The following PDE1A variants were observed in gnomAD, a reference collection of about 807,000 sequenced individuals.
PDE1A encodes phosphodiesterase 1A, also known as dual specificity calcium/calmodulin-dependent 3',5'-cyclic nucleotide phosphodiesterase 1A.
A neutral mutation model predicts 61.7 loss-of-function variants in PDE1A; 35 were observed. The ratio of observed to expected loss-of-function variants is 0.57; its 90% CI spans 0.43 to 0.75. The LOEUF (loss-of-function observed/expected upper bound fraction) is 0.75, where lower values mean the gene tolerates loss of function less well. Among genes scored for constraint, PDE1A ranks in the 30% least tolerant of loss-of-function variants. PDE1A has a pLI of 0.00. For missense variants in PDE1A, 597 were observed against 630.6 expected (o/e 0.95, Z 0.57); for synonymous variants, 232 against 213.2 (o/e 1.09, Z -0.77).
chr2:182,200,679 A>T (rs900257372), intron 10 of PDE1A, among the ~76,000 whole-genome samples: 1 of 152,222 alleles, frequency 6.6e-6, no homozygotes, highest in African/African-American at 2.4e-5. Context: ...CTAGCAAGTT[A>T]TCAAACCTAG....
chr2:182,483,220 A>C (rs917881306), intron 2 of PDE1A, among the ~76,000 whole-genome samples: 3 of 151,962 alleles, frequency 2.0e-5, no homozygotes, highest in African/African-American at 7.2e-5. Flanking sequence ...ATAGGCAATT[A>C]AACAATTATA....
At chr2:182,435,178 TA>T (rs1429024185) in intron 2 of PDE1A, among the ~76,000 whole-genome samples, 1 of 152,042 alleles carries the variant, frequency 6.6e-6, no homozygotes, top group Non-Finnish European at 1.5e-5. Flanking sequence ...AGAAATAATT[TA>T]AAACAGATTC....
chr2:182,485,886 T>C (rs1687991630), intron 2 of PDE1A, among the ~76,000 whole-genome samples: 1 of 152,044 alleles, frequency 6.6e-6, no homozygotes, highest in African/African-American at 2.4e-5. Context: ...AACCCCCACT[T>C]AAGACAGAAC....
chr2:182,515,432 G>A (rs1690072329), intron 2 of PDE1A, among the ~76,000 whole-genome samples: 1 of 152,042 alleles, frequency 6.6e-6, no homozygotes, highest in African/African-American at 2.4e-5. Context: ...CTTTTCCATG[G>A]ACACTCAGCT....
chr2:182,382,134 C>T (rs374533170), intron 1 of PDE1A, among the ~76,000 whole-genome samples: 2 of 152,060 alleles, frequency 1.3e-5, no homozygotes, highest in Admixed American at 6.5e-5. Context: ...GAAACTGTGA[C>T]TATGATAAAA....
At chr2:182,194,360 C>T (rs529137944) in intron 10 of PDE1A, among the ~76,000 whole-genome samples, 12 of 152,212 alleles carry the variant, frequency 7.9e-5, no homozygotes, top group African/African-American at 2.9e-4. Context: ...TCTTCTTTTA[C>T]CAATGATTAC....
At chr2:182,325,199 A>T (rs1696960931) in intron 1 of PDE1A, among the ~76,000 whole-genome samples, 1 of 152,206 alleles carries the variant, frequency 6.6e-6, no homozygotes. Flanking sequence ...AGTAATGGAA[A>T]ATATAGACTT....
chr2:182,685,821 T>C, the PDE1A span, among the ~76,000 whole-genome samples: 5 of 152,226 alleles, frequency 3.3e-5, no homozygotes, highest in Non-Finnish European at 7.3e-5. Context: ...ATGTGTCCAA[T>C]ATTTTCTTTC....
At chr2:182,661,965 GA>G in the PDE1A span, among the ~76,000 whole-genome samples, 74 of 151,594 alleles carry the variant, frequency 4.9e-4, no homozygotes, top group African/African-American at 1.6e-3. Flanking sequence ...AAAATCCAAA[GA>G]AAATTTTACT....
At chr2:182,663,946 G>C in the PDE1A span, among the ~76,000 whole-genome samples, 1 of 152,014 alleles carries the variant, frequency 6.6e-6, no homozygotes, top group East Asian at 1.9e-4. Flanking sequence ...GAAAAGATCA[G>C]ACATAGACTA....
chr2:182,303,585 A>C (rs1695383598), intron 1 of PDE1A, among the ~76,000 whole-genome samples: 1 of 152,194 alleles, frequency 6.6e-6, no homozygotes, highest in Non-Finnish European at 1.5e-5. Context: ...AGGGTAAATG[A>C]GCATTGGCTC....
At chr2:182,504,981 G>A (rs1258121630) in intron 2 of PDE1A, among the ~76,000 whole-genome samples, 1 of 152,220 alleles carries the variant, frequency 6.6e-6, no homozygotes, top group African/African-American at 2.4e-5. Context: ...ACAACATGTT[G>A]TAGCCTGGAA....
intron 2 of PDE1A, among the ~76,000 whole-genome samples, chr2:182,438,369 T>C (rs532928661): frequency 6.6e-6 from 1 of 152,076 alleles, no homozygotes; most frequent in South Asian, 2.1e-4. Flanking sequence ...TGGTCTCCAA[T>C]GGGGCCACCT....
chr2:182,651,327 TA>T, the PDE1A span, among the ~76,000 whole-genome samples: 1 of 152,076 alleles, frequency 6.6e-6, no homozygotes, highest in Non-Finnish European at 1.5e-5. Flanking sequence ...AATGCCAAAT[TA>T]GGGGGGTAGA....
At chr2:182,687,869 C>A in the PDE1A span, among the ~76,000 whole-genome samples, 51 of 152,278 alleles carry the variant, frequency 3.3e-4, 2 homozygotes, top group Admixed American at 3.2e-3. Flanking sequence ...GGCACAAGAA[C>A]TATGCGATGA....
the PDE1A span, among the ~76,000 whole-genome samples, chr2:182,686,705 C>T: frequency 4.5e-3 from 687 of 152,246 alleles, 3 homozygotes; most frequent in African/African-American, 0.016. Context: ...TGCAGTGCAC[C>T]GAGCATGAGC....
chr2:182,511,971 C>T (rs577830410), intron 2 of PDE1A, among the ~76,000 whole-genome samples: 3 of 152,248 alleles, frequency 2.0e-5, no homozygotes, highest in South Asian at 2.1e-4. Context: ...AACATACATG[C>T]GTGGACCACA....
At chr2:182,399,453 G>T (rs1457346434) in intron 1 of PDE1A, among the ~76,000 whole-genome samples, 1 of 151,882 alleles carries the variant, frequency 6.6e-6, no homozygotes, top group East Asian at 1.9e-4. Flanking sequence ...TCTACATCAT[G>T]AAATTAATAC....
intron 2 of PDE1A, chr2:182,463,652 A>C (rs1030984592): frequency 3.3e-5 from 5 of 152,196 alleles, no homozygotes; most frequent in African/African-American, 1.2e-4. Context: ...TTCCACTCAC[A>C]TATGGCTCTA....
Sources: gnomAD v4.1 joint callset for allele counts (sites outside exome capture counted in the v4.1 genomes callset) on GRCh38, gnomAD v4.1.1 for gene constraint, MANE v1.5 for transcripts, NCBI Gene and HGNC (gene_info 2026-07-23, HGNC 2026-07-21) for gene names.